Variants in GPM6B observed in about 807,000 individuals in gnomAD.
GPM6B encodes neuronal membrane glycoprotein M6-b.
A neutral mutation model predicts 27.2 loss-of-function variants in GPM6B; 4 were observed. That is an observed-to-expected ratio of 0.15 (90% CI 0.07 to 0.34). The LOEUF is 0.34. Ranked by LOEUF, GPM6B falls within the 10% of genes least tolerant of loss-of-function variation. GPM6B has a pLI of 1.00. For synonymous variants in GPM6B, 124 were observed against 103.1 expected (o/e 1.20, Z -1.23); for missense variants, 183 against 261.9 (o/e 0.70, Z 2.08).
At chrX:13,880,337 T>C (rs1413791538) in intron 1 of GPM6B, among the ~76,000 whole-genome samples, 1 of 111,289 alleles carries the variant, frequency 9.0e-6, no homozygotes, top group Non-Finnish European at 1.9e-5. Context: ...TGGTCGTCTC[T>C]CTCCTGCTCC....
intron 7 of GPM6B, chrX:13,774,575 T>C (rs1214466525): frequency 1.7e-6 from 2 of 1,208,704 alleles, no homozygotes; most frequent in Admixed American, 2.2e-5. Flanking sequence ...TTCCCGACTC[T>C]TAAACTTCAA....
intron 1 of GPM6B, among the ~76,000 whole-genome samples, chrX:13,920,613 C>T (rs1379158285): frequency 4.5e-5 from 5 of 111,406 alleles, no homozygotes; most frequent in East Asian, 2.8e-4. Context: ...TGGGTAAGGC[C>T]GGGTGCAGTG....
intron 1 of GPM6B, among the ~76,000 whole-genome samples, chrX:13,810,761 AAAAAG>A (rs2049116059): frequency 9.1e-6 from 1 of 109,660 alleles, no homozygotes; most frequent in Non-Finnish European, 1.9e-5. Flanking sequence ...AAAAAAAAAA[AAAAAG>A]AATAGATCCA....
At chrX:13,848,246 A>G (rs2049673299) in intron 1 of GPM6B, among the ~76,000 whole-genome samples, 1 of 111,658 alleles carries the variant, frequency 9.0e-6, no homozygotes, top group Non-Finnish European at 1.9e-5. Flanking sequence ...GAAGGTTCCA[A>G]TAGGATAAGC....
chrX:13,869,022 G>A (rs984269068), intron 1 of GPM6B, among the ~76,000 whole-genome samples: 1 of 112,076 alleles, frequency 8.9e-6, no homozygotes, highest in Admixed American at 9.5e-5. Flanking sequence ...TGGAAGGGCA[G>A]TCTACCCTAG....
chrX:13,791,136 A>G (rs1287095620), intron 2 of GPM6B, among the ~76,000 whole-genome samples: 1 of 112,355 alleles, frequency 8.9e-6, no homozygotes, highest in Non-Finnish European at 1.9e-5. Flanking sequence ...CGTGAACGAG[A>G]AAAAATAAGG....
intron 1 of GPM6B, among the ~76,000 whole-genome samples, chrX:13,901,502 C>T (rs1451422940): frequency 9.1e-6 from 1 of 110,466 alleles, no homozygotes; most frequent in African/African-American, 3.3e-5. Context: ...TTCCTTCTGT[C>T]GTGGTGTTTG....
At chrX:13,853,377 G>T (rs543523522) in intron 1 of GPM6B, among the ~76,000 whole-genome samples, 1 of 110,297 alleles carries the variant, frequency 9.1e-6, no homozygotes, top group South Asian at 3.9e-4. Flanking sequence ...GCTGAGGTGG[G>T]TGAATCACTT....
At chrX:13,866,058 G>T (rs2049913831) in intron 1 of GPM6B, among the ~76,000 whole-genome samples, 1 of 111,300 alleles carries the variant, frequency 9.0e-6, no homozygotes. Context: ...TATGGTGAGG[G>T]GAGTTAGAAG....
intron 2 of GPM6B, among the ~76,000 whole-genome samples, chrX:13,795,276 G>T (rs1317718586): frequency 8.9e-6 from 1 of 112,423 alleles, no homozygotes; most frequent in African/African-American, 3.2e-5. Context: ...ATCAAGCAAT[G>T]AATTTTAGTG....
At chrX:13,781,458 C>T (rs944609077) in intron 4 of GPM6B, among the ~76,000 whole-genome samples, 15 of 112,058 alleles carry the variant, frequency 1.3e-4, no homozygotes, top group African/African-American at 4.9e-4. Flanking sequence ...GGAAATTCCT[C>T]GTGGACAAAG....
intron 1 of GPM6B, among the ~76,000 whole-genome samples, chrX:13,844,948 C>T (rs2049625848): frequency 9.0e-6 from 1 of 110,909 alleles, no homozygotes; most frequent in Admixed American, 9.6e-5. Context: ...TAATATGTGC[C>T]AGAATGTTTC....
chrX:13,805,947 G>A (rs761322978), intron 2 of GPM6B, among the ~76,000 whole-genome samples: 73 of 110,121 alleles, frequency 6.6e-4, no homozygotes, highest in South Asian at 1.6e-3. Flanking sequence ...CCCTTTCCCC[G>A]CTCCCCACCC....
At chrX:13,840,852 ATATATGCACATATACACACG>A (rs1384716412) in intron 1 of GPM6B, among the ~76,000 whole-genome samples, 1 of 112,378 alleles carries the variant, frequency 8.9e-6, no homozygotes, top group East Asian at 2.8e-4. Flanking sequence ...ACACATTTAC[ATATATGCACATATACACACG>A]TATGAAGGGA....
In GPM6B at chrX:13,783,297, C is replaced by T. The variant is rs1046748899; in HGVS notation, c.525+68G>A. Reference sequence around the variant, plus strand: ...GATACCTGGTAGCTTTTGCCAAATACAAGGAAATACATCAAGGCATGGCTC... The same window carrying T: ...GATACCTGGTAGCTTTTGCCAAATATAAGGAAATACATCAAGGCATGGCTC... On this transcript the variant is annotated intron_variant, in intron 4 of 7. Transcript: ENST00000316715. 6 of 970,354 alleles carry T rather than the reference C, an allele frequency of 6.2e-6. No individual in the cohort carries two copies. In the African/African-American group the frequency reaches 7.9e-5, roughly 13 times the overall value. The allele number at this position is 970,354 out of a possible 1,213,427, so 80.0% of individuals were successfully genotyped here. A position where few individuals can be genotyped will look rare whatever the true frequency, so the allele number is the denominator to read the frequency against.
chrX:13,923,159 A>C (rs1419021615), intron 1 of GPM6B, among the ~76,000 whole-genome samples: 1 of 109,920 alleles, frequency 9.1e-6, no homozygotes. Context: ...TTGGACAACA[A>C]GAGTGAAACT....
intron 1 of GPM6B, among the ~76,000 whole-genome samples, chrX:13,822,562 A>G (rs1170455828): frequency 9.4e-6 from 1 of 106,201 alleles, no homozygotes; most frequent in Non-Finnish European, 1.9e-5. Flanking sequence ...TTTTTAGTAG[A>G]GGTGGGGTTT....
At chrX:13,857,413 G>A (rs1370984833) in intron 1 of GPM6B, among the ~76,000 whole-genome samples, 1 of 111,050 alleles carries the variant, frequency 9.0e-6, no homozygotes, top group Non-Finnish European at 1.9e-5. Context: ...AAATGTCTAT[G>A]TCATATATAA....
intron 2 of GPM6B, among the ~76,000 whole-genome samples, chrX:13,786,857 G>C (rs1037948520): frequency 3.7e-5 from 4 of 109,444 alleles, no homozygotes; most frequent in Non-Finnish European, 7.6e-5. Flanking sequence ...AGACATTTAC[G>C]TTTCAGTAAA....
Sources: gnomAD v4.1 joint callset for allele counts (sites outside exome capture counted in the v4.1 genomes callset) on GRCh38, gnomAD v4.1.1 for gene constraint, MANE v1.5 for transcripts, NCBI Gene and HGNC (gene_info 2026-07-23, HGNC 2026-07-21) for gene names.